The following ECI1 variants were observed in gnomAD, a reference collection of about 807,000 sequenced individuals.
ECI1 encodes the protein enoyl-CoA delta isomerase 1.
A neutral mutation model predicts 34.2 loss-of-function variants in ECI1; 34 were observed. That is an observed-to-expected ratio of 1.00 (90% confidence interval 0.76 to 1.33). The LOEUF is 1.33. ECI1 is among the 40% of genes most tolerant of loss of function. The pLI is 0.00. For synonymous variants in ECI1, 211 were observed against 193.0 expected, an observed-to-expected ratio of 1.09 and a Z score of -0.77; for missense variants, 456 against 422.2, an observed-to-expected ratio of 1.08 and a Z score of -0.70.
In ECI1 at chr16:2,239,893, A is replaced by T; in HGVS notation, c.*86T>A. The T allele has an allele frequency of 7.2e-7, 1 of 1,395,740 alleles. No individual in the cohort carries two copies. 86.5% of individuals were successfully genotyped at this position (1,395,740 alleles called of 1,614,324 possible). On this transcript the variant is annotated 3_prime_UTR_variant, in exon 7 of 7. Coordinates refer to ENST00000301729, the MANE Select transcript of ECI1 (RefSeq NM_001919.4). Reference sequence around the variant, plus strand: ...ATCAGCAAAATGAAACGCTGGCAGTACTTTTAAGTTGAAAAATACCTTGTT... The same window carrying T: ...ATCAGCAAAATGAAACGCTGGCAGTTCTTTTAAGTTGAAAAATACCTTGTT...
At chr16:2,242,341 G>C (rs1351880566) in intron 6 of ECI1, 1 of 152,732 alleles carries the variant, frequency 6.5e-6, no homozygotes, top group Non-Finnish European at 1.5e-5. Context: ...GTCAGTTTAC[G>C]TCTCCTCTGT....
chr16:2,243,861 C>T (rs992172414), intron 4 of ECI1, among the ~76,000 whole-genome samples: 5 of 152,210 alleles, frequency 3.3e-5, no homozygotes, highest in African/African-American at 1.2e-4. Context: ...GGGAACCCCA[C>T]ACTCACCCTG....
At position 2,243,343 on chromosome 16, in the gene ECI1, G is replaced by A; in HGVS notation, c.538C>T (p.Gln180Ter). ...PRYCIGLNET[Q>*]LGIIAPFWLK... The stretch of plus-strand genomic sequence containing the variant: ...CAGAAAGGGGCGATGATGCCCAGCT[G>A]GGTCTCATTGAGTCCTATGCAGTAC... The change falls in exon 5 of 7, where the codon CAG (glutamine) becomes TAG (stop). Residue 180 changes from glutamine to a stop codon, truncating the protein, a stop_gained. Transcript: ENST00000301729. LOFTEE classifies it high-confidence loss of function. 1 of 1,613,760 alleles carries A rather than the reference G, an allele frequency of 6.2e-7. No individual in the cohort carries two copies. The highest frequency in any genetic ancestry group is 8.5e-7 in the Non-Finnish European group (1 of 1,180,032).
At position 2,239,809 on chromosome 16, in the gene ECI1, T is replaced by G; in HGVS notation, c.*170A>C. 2.8e-6 allele frequency: 2 copies of G among 707,016 alleles called. No homozygotes were observed. The highest frequency in any genetic ancestry group is 2.5e-6 in the Non-Finnish European group (1 of 402,916). 43.8% of individuals were successfully genotyped at this position (707,016 alleles called of 1,614,324 possible). A position where few individuals can be genotyped will look rare whatever the true frequency, so the allele number is the denominator to read the frequency against. On this transcript the variant is annotated 3_prime_UTR_variant, in exon 7 of 7. Coordinates refer to ENST00000301729, the MANE Select transcript of ECI1 (RefSeq NM_001919.4). The stretch of plus-strand genomic sequence containing the variant: ...TGACGGGCACAGGCACCCATGTGTG[T>G]TTGTGTGTGGCTGGGCCTTGGGCCA...
chr16:2,244,446 C>T lies in ECI1; in HGVS notation c.401G>A (p.Arg134Gln), dbSNP rs144791724. 74 of 1,612,226 alleles carry T rather than the reference C, an allele frequency of 4.6e-5. No individual in the cohort carries two copies. The highest frequency in any genetic ancestry group is 2.5e-4 in the Admixed American group (15 of 59,906). The change falls in exon 4 of 7, where the codon CGG becomes CAG. Residue 134 changes from arginine (R) to glutamine (Q), a missense_variant. By Grantham distance (43) the Arg-to-Gln change is conservative (BLOSUM62 1). Transcript: ENST00000301729. ...YWKAVQELWLRLYQSNLVLVS... is the reference protein window; with the variant it reads ...YWKAVQELWLQLYQSNLVLVS... Reference sequence around the variant, plus strand: ...CAGCACCAGGTTGGACTGGTACAACCGCAGCCACAGCTCCTGAACGGCCTT... The same window carrying T: ...CAGCACCAGGTTGGACTGGTACAACTGCAGCCACAGCTCCTGAACGGCCTT...
chr16:2,244,575 A>G, intron 3 of ECI1, 23 bp from the exon 4 acceptor site: 1 of 1,566,854 alleles, frequency 6.4e-7, no homozygotes, highest in East Asian at 2.4e-5. Flanking sequence ...CCGGGGCCAC[A>G]TGCCCATCAG....
chr16:2,244,343 G>A, intron 4 of ECI1, 63 bp downstream of exon 4: 1 of 1,562,026 alleles, frequency 6.4e-7, no homozygotes, highest in Non-Finnish European at 8.7e-7. Context: ...GACAGTGTCT[G>A]TCCCACCCCC....
chr16:2,249,399 T>C, intron 2 of ECI1, among the ~76,000 whole-genome samples: 1 of 151,990 alleles, frequency 6.6e-6, no homozygotes, highest in Non-Finnish European at 1.5e-5. Flanking sequence ...GGACTACACA[T>C]TGTGAATATA....
In ECI1 at chr16:2,242,777, GGCAGGAAGGAGCCTCCCTGGAAC is replaced by G. The variant is rs139828252; in HGVS notation, c.742+246_742+268del. 4,719 of 534,538 alleles carry G rather than the reference GGCAGGAAGGAGCCTCCCTGGAAC, an allele frequency of 8.8e-3. 164 individuals are homozygous for G. The highest frequency in any genetic ancestry group is 0.075 in the African/African-American group (3,976 of 52,718). 33.1% of individuals were successfully genotyped at this position (534,538 alleles called of 1,614,324 possible). A position where few individuals can be genotyped will look rare whatever the true frequency, so the allele number is the denominator to read the frequency against. ...GCCTGGAGCCAGCAGAAGTGGGCGG[GGCAGGAAGGAGCCTCCCTGGAAC>G]GCAGGGAGGAAGTGCAGTCCTGCCC... On this transcript the variant is annotated intron_variant, in intron 6 of 6. Coordinates refer to ENST00000301729, the MANE Select transcript of ECI1 (RefSeq NM_001919.4).
At position 2,243,045 on chromosome 16, in the gene ECI1, C is replaced by A; in HGVS notation, c.742+1G>T. The A allele has an allele frequency of 1.2e-6, 2 of 1,601,930 alleles. No homozygotes were observed. The highest frequency in any genetic ancestry group is 1.7e-6 in the Non-Finnish European group (2 of 1,179,306). The stretch of plus-strand genomic sequence containing the variant: ...GGCGCCCGCCATGCCCCGTGCCTCA[C>A]CTGGAATGGCCATCCACTGGGCTAT... On this transcript the variant is annotated splice_donor_variant, in intron 6 of 6. Coordinates refer to ENST00000301729, the MANE Select transcript of ECI1 (RefSeq NM_001919.4). LOFTEE classifies it high-confidence loss of function.
intron 5 of ECI1, 24 bp downstream of exon 5, chr16:2,243,294 C>T (rs771285003): frequency 8.1e-5 from 131 of 1,613,366 alleles, no homozygotes; most frequent in South Asian, 2.1e-4. Context: ...AAGCATGGAG[C>T]GTGGCTGCAG....
chr16:2,244,838 G>A (rs1023840609), intron 3 of ECI1, among the ~76,000 whole-genome samples: 4 of 152,232 alleles, frequency 2.6e-5, no homozygotes, highest in Non-Finnish European at 5.9e-5. Flanking sequence ...TAAGTGCGCC[G>A]GCCCTCTGGC....
At chr16:2,243,295 G>T (rs2071640) in intron 5 of ECI1, 23 bp downstream of exon 5, 81,895 of 1,613,452 alleles carry the variant, frequency 0.051, 2,374 homozygotes, top group East Asian at 0.056. Flanking sequence ...AGCATGGAGC[G>T]TGGCTGCAGC....
At chr16:2,240,761 A>G (rs1001356470) in intron 6 of ECI1, 2 of 152,146 alleles carry the variant, frequency 1.3e-5, no homozygotes, top group Non-Finnish European at 2.9e-5. Context: ...CAGTGGCGTG[A>G]CCTTGGCTCA....
At chr16:2,248,056 T>C (rs567079516) in intron 2 of ECI1, among the ~76,000 whole-genome samples, 4 of 152,300 alleles carry the variant, frequency 2.6e-5, no homozygotes, top group Admixed American at 6.5e-5. Flanking sequence ...ATTTATTCTA[T>C]ATAAACTGCA....
Position 2,239,916 on chromosome 16 carries a change from G to A in ECI1, c.*63C>T. On this transcript the variant is annotated 3_prime_UTR_variant, in exon 7 of 7. Transcript: ENST00000301729. ...GTACTTTTAAGTTGAAAAATACCTT[G>A]TTTAAGACCTCCCTGGGACCCACAG... 1 of 1,546,162 alleles carries A rather than the reference G, an allele frequency of 6.5e-7. No homozygotes were observed. The highest frequency in any genetic ancestry group is 8.9e-7 in the Non-Finnish European group (1 of 1,119,172).
Position 2,243,113 on chromosome 16 carries a change from C to G in ECI1, c.675G>C (p.Gln225His), listed in dbSNP as rs1275332603. ...AEALQVGIVDQVVPEEQVQST... is the reference protein window; with the variant it reads ...AEALQVGIVDHVVPEEQVQST... ...TCTGCACCTGCTCCTCCGGGACCAC[C>G]TGGTCCACTATGCCCACCTGCAGGG... Residue 225 changes from glutamine (Q) to histidine (H), a missense_variant, in exon 6 of 7, where the codon CAG becomes CAC. Gln to His is a conservative substitution (Grantham distance 24). Transcript: ENST00000301729. 6 of 1,606,194 alleles carry G rather than the reference C, an allele frequency of 3.7e-6. No individual in the cohort carries two copies. The highest frequency in any genetic ancestry group is 5.1e-6 in the Non-Finnish European group (6 of 1,179,784).
rs114331785 is a variant in ECI1, at chr16:2,248,884, G to A, written c.167-1898C>T. On this transcript the variant is annotated intron_variant, in intron 2 of 6. Transcript: ENST00000301729. ...ATCCCACCCCTAGCCCCTGGAAGCCGCCAGTCTGCGTTCTGTGTCTGCGGT... is the reference window on the plus strand; with the variant it reads ...ATCCCACCCCTAGCCCCTGGAAGCCACCAGTCTGCGTTCTGTGTCTGCGGT... Among the ~76,000 whole-genome samples the A allele has an allele frequency of 3.3e-3, 499 of 152,132 alleles. 2 individuals carry two copies. Among genetic ancestry groups the A allele is most frequent in the Non-Finnish European group, 5.5e-3 (373 of 68,000 alleles).
At chr16:2,242,253 A>G (rs964500544) in intron 6 of ECI1, among the ~76,000 whole-genome samples, 1 of 152,120 alleles carries the variant, frequency 6.6e-6, no homozygotes, top group African/African-American at 2.4e-5. Context: ...TCAGCCTCCC[A>G]AAGTGCTGAG....
Sources: gnomAD v4.1 joint callset for allele counts (sites outside exome capture counted in the v4.1 genomes callset) on GRCh38, gnomAD v4.1.1 for gene constraint, MANE v1.5 for transcripts, NCBI Gene and HGNC (gene_info 2026-07-23, HGNC 2026-07-21) for gene names.